DMD: variants seen among roughly 807,000 people sequenced by gnomAD.
The protein encoded by DMD is mutant dystrophin.
In DMD, 63 loss-of-function variants were observed where a neutral mutation model predicts 330.1. That is an observed-to-expected ratio of 0.19 (90% CI 0.16 to 0.24). The LOEUF is 0.24. Among genes scored for constraint, DMD ranks in the 10% least tolerant of loss-of-function variants. DMD has a pLI of 1.00. For missense variants in DMD, 3,344 were observed against 2,684.1 expected, an observed-to-expected ratio of 1.25 and a Z score of -5.43; for synonymous variants, 1,223 against 959.8, an observed-to-expected ratio of 1.27 and a Z score of -5.07.
chrX:31,666,130 C>T (rs2081409437), intron 53 of DMD, among the ~76,000 whole-genome samples: 2 of 111,747 alleles, frequency 1.8e-5, no homozygotes, highest in African/African-American at 3.3e-5. Flanking sequence ...GAGGACAGAA[C>T]CCCAGAAAAT....
intron 60 of DMD, among the ~76,000 whole-genome samples, chrX:31,428,968 A>G (rs949209411): frequency 1.8e-5 from 2 of 110,566 alleles, no homozygotes; most frequent in Admixed American, 9.6e-5. Context: ...AAAAATAAAA[A>G]AAAACTAGCT....
chrX:32,485,067 A>C lies in DMD; in HGVS notation c.2655T>G (p.Pro885=). 4.1e-6 allele frequency: 5 copies of C among 1,211,120 alleles called. No individual in the cohort carries two copies. The highest frequency in any genetic ancestry group is 5.6e-6 in the Non-Finnish European group (5 of 894,978). The change falls in exon 21 of 79, where the codon CCT becomes CCG. Residue 885 remains proline (P), a synonymous_variant. Coordinates refer to ENST00000357033, the MANE Select transcript of DMD (RefSeq NM_004006.3). The part of the protein sequence containing the change: ...DEVNRLSDLQ[P]QIERLKIQSI... ...TTTGAATTTTTAATCGTTCAATTTGAGGTTGAAGATCTGATAGCCGGTTGA... is the reference window on the plus strand; with the variant it reads ...TTTGAATTTTTAATCGTTCAATTTGCGGTTGAAGATCTGATAGCCGGTTGA...
chrX:32,009,842 C>A (rs190805738), intron 44 of DMD, among the ~76,000 whole-genome samples: 2 of 111,972 alleles, frequency 1.8e-5, no homozygotes, highest in East Asian at 5.6e-4. Context: ...TTTTACTTAT[C>A]CAACCACATG....
At chrX:32,952,880 A>G (rs2091330999) in intron 2 of DMD, among the ~76,000 whole-genome samples, 2 of 110,720 alleles carry the variant, frequency 1.8e-5, no homozygotes, top group Middle Eastern at 4.6e-3. Flanking sequence ...CACACCTGTA[A>G]TCACAGCATT....
chrX:31,324,452 A>G (rs1014597809), intron 61 of DMD, among the ~76,000 whole-genome samples: 8 of 107,758 alleles, frequency 7.4e-5, no homozygotes, highest in African/African-American at 2.7e-4. Context: ...AACCTCTACA[A>G]ATATATTTTA....
intron 48 of DMD, among the ~76,000 whole-genome samples, chrX:31,863,541 A>G (rs1220751086): frequency 2.7e-5 from 3 of 112,035 alleles, no homozygotes; most frequent in Non-Finnish European, 3.8e-5. Context: ...TCAAAATATT[A>G]GCGACTGAAA....
chrX:31,758,274 T>A (rs2089292331), intron 51 of DMD, among the ~76,000 whole-genome samples: 1 of 111,295 alleles, frequency 9.0e-6, no homozygotes. Flanking sequence ...AGGTAAAGAA[T>A]ATTTGGAAGA....
intron 44 of DMD, among the ~76,000 whole-genome samples, chrX:32,205,005 T>TCTCTCTCTCACACACA (rs60181300): frequency 2.7e-4 from 8 of 29,221 alleles, no homozygotes; most frequent in Non-Finnish European, 4.4e-4. Flanking sequence ...TCTCTCTCTC[T>TCTCTCTCTCACACACA]CACATACACA....
At chrX:31,151,453 C>T (rs2147978612) in intron 74 of DMD, among the ~76,000 whole-genome samples, 1 of 112,220 alleles carries the variant, frequency 8.9e-6, no homozygotes, top group East Asian at 2.8e-4. Flanking sequence ...CTATTTTTCA[C>T]AAAGGTGCTG....
chrX:33,073,931 CTTA>C (rs1438435913), intron 1 of DMD, among the ~76,000 whole-genome samples: 1 of 111,945 alleles, frequency 8.9e-6, no homozygotes, highest in African/African-American at 3.2e-5. Context: ...GTTTCTCTAA[CTTA>C]TTATTTTGCA....
chrX:31,653,368 T>C (rs1022478709), intron 54 of DMD, among the ~76,000 whole-genome samples: 1 of 111,774 alleles, frequency 8.9e-6, no homozygotes, highest in Admixed American at 9.4e-5. Flanking sequence ...TATGTATATA[T>C]GTACACACAT....
At chrX:32,486,668 A>C in intron 20 of DMD, among the ~76,000 whole-genome samples, 1 of 107,313 alleles carries the variant, frequency 9.3e-6, no homozygotes, top group Non-Finnish European at 1.9e-5. Flanking sequence ...GATCAATGGA[A>C]CAGAACAGAG....
At chrX:31,776,101 A>G (rs930508988) in intron 50 of DMD, among the ~76,000 whole-genome samples, 2 of 111,928 alleles carry the variant, frequency 1.8e-5, no homozygotes, top group African/African-American at 6.5e-5. Context: ...TGGAAGCAAA[A>G]AGATCTAGAA....
intron 61 of DMD, among the ~76,000 whole-genome samples, chrX:31,329,108 T>A (rs942204758): frequency 8.9e-6 from 1 of 112,445 alleles, no homozygotes; most frequent in African/African-American, 3.2e-5. Flanking sequence ...TTTTATGCAG[T>A]GAAAATCAGA....
intron 44 of DMD, chrX:32,151,329 TA>T (rs2096802499): frequency 9.0e-6 from 1 of 111,276 alleles, no homozygotes; most frequent in African/African-American, 3.3e-5. Context: ...AGAGTGGGTT[TA>T]GGAGATAATC....
chrX:32,219,712 A>G (rs1002598626), intron 43 of DMD, among the ~76,000 whole-genome samples: 26 of 110,724 alleles, frequency 2.3e-4, no homozygotes, highest in African/African-American at 2.3e-4. Context: ...TTCCTACCCA[A>G]TCACTTGAAC....
At position 32,786,641 on chromosome X, in the gene DMD, A is replaced by G. The variant is rs773087411; in HGVS notation, c.649+22852T>C. On this transcript the variant is annotated intron_variant, in intron 7 of 78. Transcript: ENST00000357033. ...ATTTGGAATCAACTGATGGATGTGC[A>G]TCCAATTAAAAACAAACCCAATTAG... Among the ~76,000 whole-genome samples the G allele has an allele frequency of 1.7e-4, 19 of 112,105 alleles. No homozygotes were observed. The South Asian group carries it at 2.2e-3, about 13-fold the overall frequency.
At chrX:31,665,270 A>G (rs1257802856) in intron 53 of DMD, among the ~76,000 whole-genome samples, 2 of 112,033 alleles carry the variant, frequency 1.8e-5, no homozygotes, top group Non-Finnish European at 3.8e-5. Context: ...ATTATTATGT[A>G]TAATAAAGTA....
chrX:32,431,728 A>G (rs1429103064), intron 29 of DMD, among the ~76,000 whole-genome samples: 1 of 111,184 alleles, frequency 9.0e-6, no homozygotes, highest in African/African-American at 3.3e-5. Flanking sequence ...TATAACTTCA[A>G]TAACATTTAT....
Sources: gnomAD v4.1 joint callset for allele counts (sites outside exome capture counted in the v4.1 genomes callset) on GRCh38, gnomAD v4.1.1 for gene constraint, MANE v1.5 for transcripts, NCBI Gene and HGNC (gene_info 2026-07-23, HGNC 2026-07-21) for gene names.